The following PGBD2 variants were observed in gnomAD, a reference collection of about 807,000 sequenced individuals.
The protein encoded by PGBD2 is piggyBac transposable element derived 2, also known as piggyBac transposable element-derived protein 2.
Under a neutral mutation model 8.1 loss-of-function variants are expected in PGBD2, and 6 were observed. The observed-to-expected ratio is 0.74, with a 90% confidence interval of 0.40 to 1.46. The LOEUF is 1.46. Ranked by LOEUF, PGBD2 falls within the 40% of genes most tolerant of loss-of-function variation. The probability of loss-of-function intolerance (pLI) is 0.02; values close to 1 mark genes in which losing one functional copy is unlikely to be tolerated. For synonymous variants in PGBD2, 318 were observed against 272.2 expected, an observed-to-expected ratio of 1.17 and a Z score of -1.66; for missense variants, 802 against 739.0, an observed-to-expected ratio of 1.09 and a Z score of -0.99.
At chr1:248,879,134 T>C in the PGBD2 span, among the ~76,000 whole-genome samples, 1 of 152,220 alleles carries the variant, frequency 6.6e-6, no homozygotes, top group Non-Finnish European at 1.5e-5. Flanking sequence ...ATTATAAGAA[T>C]GTTTGTAGAG....
intron 1 of PGBD2, among the ~76,000 whole-genome samples, chr1:248,911,742 G>A (rs945897703): frequency 3.7e-4 from 56 of 150,408 alleles, no homozygotes; most frequent in Admixed American, 6.6e-4. Flanking sequence ...CTGGCCGGGC[G>A]GGGGGCTGAC....
At chr1:248,888,191 T>C in the PGBD2 span, among the ~76,000 whole-genome samples, 4 of 152,346 alleles carry the variant, frequency 2.6e-5, no homozygotes, top group East Asian at 5.8e-4. Flanking sequence ...TCTATATCCA[T>C]GCTATTGTGA....
Position 248,917,606 on chromosome 1 carries a change from G to C in PGBD2, c.1022G>C (p.Arg341Pro), listed in dbSNP as rs747459746. ...VIKFVDALQE[R>P]GFLPYHIFFD... The stretch of plus-strand genomic sequence containing the variant: ...AAATTTGTGGATGCGCTTCAGGAGC[G>C]TGGTTTTCTGCCATATCACATATTT... Residue 341 changes from arginine to proline, a missense_variant, in exon 3 of 3, where the codon CGT (arginine) becomes CCT (proline). Arg to Pro is a moderately radical substitution (Grantham distance 103). Transcript: ENST00000329291. The C allele has an allele frequency of 1.2e-6, 2 of 1,614,190 alleles. No individual in the cohort carries two copies. The highest frequency in any genetic ancestry group is 1.7e-6 in the Non-Finnish European group (2 of 1,180,038).
the PGBD2 span, among the ~76,000 whole-genome samples, chr1:248,929,291 T>C: frequency 6.6e-6 from 1 of 152,206 alleles, no homozygotes; most frequent in South Asian, 2.1e-4. Flanking sequence ...CATTCGTCTC[T>C]CTTTTCTTGC....
chr1:248,914,232 T>C (rs1007757963), intron 2 of PGBD2, among the ~76,000 whole-genome samples: 2 of 152,168 alleles, frequency 1.3e-5, no homozygotes, highest in Admixed American at 1.3e-4. Context: ...GCAGAAGTTG[T>C]TTGAGAGTCT....
upstream of PGBD2, among the ~76,000 whole-genome samples, chr1:248,903,742 A>G (rs565560692): frequency 1.3e-5 from 2 of 152,282 alleles, no homozygotes; most frequent in East Asian, 3.9e-4. Context: ...CTTAACTAAA[A>G]TATCCTGATG....
intron 1 of PGBD2, among the ~76,000 whole-genome samples, chr1:248,911,290 G>T (rs527670363): frequency 1.5e-4 from 23 of 151,340 alleles, no homozygotes; most frequent in East Asian, 3.9e-4. Flanking sequence ...GTGTCCCTGG[G>T]TACTTGAGAT....
At position 248,918,081 on chromosome 1, in the gene PGBD2, G is replaced by C. The variant is rs1358775108; in HGVS notation, c.1497G>C (p.Trp499Cys). 6.2e-7 allele frequency: 1 copy of C among 1,614,210 alleles called. No individual in the cohort carries two copies. The change falls in exon 3 of 3, where the codon TGG becomes TGC. Residue 499 changes from tryptophan (W) to cysteine (C), a missense_variant. By Grantham distance (215) the Trp-to-Cys change is radical (BLOSUM62 -2). Coordinates refer to ENST00000329291, the MANE Select transcript of PGBD2 (RefSeq NM_170725.3). ...TTGATGCTGCCCTCAACAATGCATGGCAGCTGCATAGAATCTGCTGCCAAG... is the reference window on the plus strand; with the variant it reads ...TTGATGCTGCCCTCAACAATGCATGCCAGCTGCATAGAATCTGCTGCCAAG... ...YVIDAALNNA[W>C]QLHRICCQDA...
intron 1 of PGBD2, among the ~76,000 whole-genome samples, chr1:248,910,286 T>G (rs1473884402): frequency 6.6e-6 from 1 of 152,266 alleles, no homozygotes; most frequent in Non-Finnish European, 1.5e-5. Context: ...AAGAGTTTGT[T>G]GCAAAGTTTT....
chr1:248,880,523 C>T, the PGBD2 span, among the ~76,000 whole-genome samples: 1 of 152,204 alleles, frequency 6.6e-6, no homozygotes. Context: ...ATTCATCACT[C>T]ATCAGAACTT....
At chr1:248,900,446 A>G in the PGBD2 span, among the ~76,000 whole-genome samples, 1 of 152,238 alleles carries the variant, frequency 6.6e-6, no homozygotes, top group Non-Finnish European at 1.5e-5. Context: ...AACATATACA[A>G]ATCAATGTAT....
chr1:248,884,604 T>C, the PGBD2 span, among the ~76,000 whole-genome samples: 5 of 144,948 alleles, frequency 3.4e-5, no homozygotes, highest in Non-Finnish European at 3.1e-5. Flanking sequence ...CTCATTATAG[T>C]TTTTTAAAAA....
intron 1 of PGBD2, among the ~76,000 whole-genome samples, chr1:248,907,876 G>A (rs1286558771): frequency 6.6e-6 from 1 of 152,198 alleles, no homozygotes; most frequent in South Asian, 2.1e-4. Context: ...CATAGACACA[G>A]TAGCAGTCTG....
the PGBD2 span, among the ~76,000 whole-genome samples, chr1:248,881,265 T>C: frequency 2.0e-5 from 3 of 152,224 alleles, no homozygotes; most frequent in African/African-American, 4.8e-5. Flanking sequence ...TAAGTCCAAA[T>C]ACATTCATTT....
chr1:248,917,014 C>T lies in PGBD2; in HGVS notation c.430C>T (p.Leu144Phe). The T allele has an allele frequency of 1.2e-6, 2 of 1,613,666 alleles. No individual in the cohort carries two copies. The highest frequency in any genetic ancestry group is 1.7e-6 in the Non-Finnish European group (2 of 1,179,946). ...LKSQELSPVG[L>F]FELFFDEGTI... ...AAGCCAAGAGCTGAGTCCCGTGGGCCTTTTTGAGTTGTTTTTTGATGAAGG... is the reference window on the plus strand; with the variant it reads ...AAGCCAAGAGCTGAGTCCCGTGGGCTTTTTTGAGTTGTTTTTTGATGAAGG... The change falls in exon 3 of 3, where the codon CTT becomes TTT. Residue 144 changes from leucine (L) to phenylalanine (F), a missense_variant. Leu to Phe is a conservative substitution (Grantham distance 22, BLOSUM62 0). Transcript: ENST00000329291.
the PGBD2 span, among the ~76,000 whole-genome samples, chr1:248,882,125 GA>G: frequency 6.6e-6 from 1 of 152,146 alleles, no homozygotes; most frequent in Admixed American, 6.6e-5. Flanking sequence ...GGCAGGTTGA[GA>G]AATAATAGAC....
the PGBD2 span, among the ~76,000 whole-genome samples, chr1:248,897,901 T>A: frequency 6.6e-6 from 1 of 152,180 alleles, no homozygotes; most frequent in Non-Finnish European, 1.5e-5. Context: ...CTCCTAATGC[T>A]GGGGAGACTG....
chr1:248,909,741 G>T (rs1239172358), intron 1 of PGBD2, among the ~76,000 whole-genome samples: 1 of 152,138 alleles, frequency 6.6e-6, no homozygotes, highest in African/African-American at 2.4e-5. Context: ...CATAGGCAGG[G>T]AATGGCACCC....
downstream of PGBD2, among the ~76,000 whole-genome samples, chr1:248,920,547 T>C (rs138338484): frequency 9.1e-4 from 138 of 152,354 alleles, 1 homozygote; most frequent in African/African-American, 3.2e-3. Flanking sequence ...CTATTATTGA[T>C]GGACATTTGG....
Sources: allele counts gnomAD v4.1 joint callset (sites outside exome capture counted in the v4.1 genomes callset), GRCh38; gene constraint gnomAD v4.1.1; transcripts MANE v1.5; gene names NCBI Gene and HGNC (gene_info 2026-07-23, HGNC 2026-07-21).